KAZN: variants seen among roughly 807,000 people sequenced by gnomAD.
KAZN encodes the protein kazrin, periplakin interacting protein, also known as kazrin.
In KAZN, 40 loss-of-function variants were observed where a neutral mutation model predicts 87.4. The observed-to-expected ratio is 0.46, with a 90% CI of 0.36 to 0.60. KAZN has a LOEUF of 0.60. KAZN is among the 20% of genes least tolerant of loss of function. The pLI is 0.00. For missense variants in KAZN, 898 were observed against 1,073.9 expected (o/e 0.84, Z 2.29); for synonymous variants, 466 against 458.3 (o/e 1.02, Z -0.22).
At chr1:13,960,655 C>T (rs2101023066) in intron 1 of KAZN, among the ~76,000 whole-genome samples, 1 of 152,338 alleles carries the variant, frequency 6.6e-6, no homozygotes, top group Middle Eastern at 3.4e-3. Flanking sequence ...CCCAAATCGG[C>T]TTGTATTTGC....
chr1:14,516,285 T>C (rs566772890), intron 2 of KAZN, among the ~76,000 whole-genome samples: 1 of 152,298 alleles, frequency 6.6e-6, no homozygotes, highest in African/African-American at 2.4e-5. Context: ...TGTGTTGGCT[T>C]TACTCTCTAA....
At chr1:14,762,408 A>G (rs1201288523) in intron 1 of KAZN, among the ~76,000 whole-genome samples, 1 of 152,080 alleles carries the variant, frequency 6.6e-6, no homozygotes. Flanking sequence ...AGGTGGTGGG[A>G]CCTTCCTGGC....
At chr1:14,530,529 A>G (rs1017117774) in intron 2 of KAZN, among the ~76,000 whole-genome samples, 1 of 152,138 alleles carries the variant, frequency 6.6e-6, no homozygotes, top group African/African-American at 2.4e-5. Flanking sequence ...CAAATTCCTC[A>G]TGAATGCCTT....
intron 2 of KAZN, among the ~76,000 whole-genome samples, chr1:14,529,840 G>A (rs569250374): frequency 6.6e-6 from 1 of 152,202 alleles, no homozygotes; most frequent in Non-Finnish European, 1.5e-5. Flanking sequence ...TTGGGCAGAA[G>A]GTTAAATATG....
At chr1:13,905,689 A>G (rs2100851393) in intron 1 of KAZN, among the ~76,000 whole-genome samples, 1 of 152,218 alleles carries the variant, frequency 6.6e-6, no homozygotes, top group Admixed American at 6.5e-5. Flanking sequence ...AAACTCTAGC[A>G]TTCATTTTAC....
At chr1:14,467,341 AAC>A (rs1553176571) in intron 2 of KAZN, among the ~76,000 whole-genome samples, 61 of 151,262 alleles carry the variant, frequency 4.0e-4, no homozygotes, top group African/African-American at 1.4e-3. Context: ...ATAAAAAAAA[AAC>A]AACAAGGAAA....
chr1:14,577,630 C>T (rs770416669), intron 2 of KAZN, among the ~76,000 whole-genome samples: 12 of 152,160 alleles, frequency 7.9e-5, no homozygotes, highest in Non-Finnish European at 1.6e-4. Context: ...TCATCACAGG[C>T]CACTGGTTCT....
At position 14,737,693 on chromosome 1, in the gene KAZN, C is replaced by A. The variant is rs530920216; in HGVS notation, c.226+138470C>A. On this transcript the variant is annotated intron_variant, in intron 1 of 14. Coordinates refer to ENST00000376030, the MANE Select transcript of KAZN (RefSeq NM_201628.3). Reference sequence around the variant, plus strand: ...CTGCATTTCTTCTGTAACTCCAGGTCCTCTTTCGAGCTCATGTGGTTATTG... The same window carrying A: ...CTGCATTTCTTCTGTAACTCCAGGTACTCTTTCGAGCTCATGTGGTTATTG... Among the ~76,000 whole-genome samples the A allele has an allele frequency of 5.9e-5, 9 of 152,284 alleles. No individual in the cohort carries two copies. In the East Asian group the frequency reaches 1.7e-3, roughly 29 times the overall value.
intron 2 of KAZN, among the ~76,000 whole-genome samples, chr1:14,332,436 C>T (rs1212075820): frequency 6.6e-6 from 1 of 152,128 alleles, no homozygotes; most frequent in African/African-American, 2.4e-5. Context: ...GAATGCCAAG[C>T]GCACGATGGC....
intron 1 of KAZN, among the ~76,000 whole-genome samples, chr1:13,902,232 T>C (rs553853106): frequency 3.9e-5 from 6 of 152,366 alleles, no homozygotes; most frequent in Admixed American, 1.3e-4. Context: ...TCTTTACCCT[T>C]GGTTCTTTCT....
chr1:15,030,226 C>T (rs925914255), intron 2 of KAZN, among the ~76,000 whole-genome samples: 5 of 152,078 alleles, frequency 3.3e-5, no homozygotes, highest in African/African-American at 1.2e-4. Context: ...CCTTAAGGAG[C>T]CTTCTGACCG....
intron 1 of KAZN, among the ~76,000 whole-genome samples, chr1:13,945,706 T>TGA (rs1422921953): frequency 3.6e-5 from 5 of 140,722 alleles, no homozygotes; most frequent in African/African-American, 1.3e-4. Flanking sequence ...TGTGTGTGTG[T>TGA]GTGTGAGAGA....
intron 8 of KAZN, among the ~76,000 whole-genome samples, chr1:15,087,566 T>C (rs1235052595): frequency 6.6e-6 from 1 of 152,142 alleles, no homozygotes; most frequent in Non-Finnish European, 1.5e-5. Flanking sequence ...CTAATTTTTT[T>C]GTATTTTTAG....
chr1:14,704,913 C>T (rs922235194), intron 1 of KAZN, among the ~76,000 whole-genome samples: 1 of 152,204 alleles, frequency 6.6e-6, no homozygotes, highest in Non-Finnish European at 1.5e-5. Context: ...CTCTGTATAA[C>T]CCTTTCCTTG....
At chr1:14,493,669 C>T (rs1557757114) in intron 2 of KAZN, among the ~76,000 whole-genome samples, 2 of 152,232 alleles carry the variant, frequency 1.3e-5, no homozygotes, top group Admixed American at 6.5e-5. Context: ...AATATCTCTA[C>T]GTGCTCCCTA....
At chr1:14,629,066 T>C (rs1321249640) in intron 1 of KAZN, among the ~76,000 whole-genome samples, 1 of 152,178 alleles carries the variant, frequency 6.6e-6, no homozygotes, top group Admixed American at 6.5e-5. Context: ...AGGCTGGTCT[T>C]GAACTCCTGA....
chr1:14,657,623 G>A (rs1327692817), intron 1 of KAZN, among the ~76,000 whole-genome samples: 1 of 152,174 alleles, frequency 6.6e-6, no homozygotes, highest in East Asian at 1.9e-4. Flanking sequence ...CATTCCTAAA[G>A]GGTGGGATTT....
At chr1:14,997,013 C>T (rs995593101) in intron 2 of KAZN, among the ~76,000 whole-genome samples, 3 of 152,032 alleles carry the variant, frequency 2.0e-5, no homozygotes, top group Admixed American at 2.0e-4. Flanking sequence ...GCTTTTTTTC[C>T]CCAGCATTCC....
chr1:13,945,710 TGAGAGAGAGA>T (rs200937986), intron 1 of KAZN, among the ~76,000 whole-genome samples: 2 of 137,266 alleles, frequency 1.5e-5, no homozygotes, highest in South Asian at 2.3e-4. Context: ...TGTGTGTGTG[TGAGAGAGAGA>T]GAGAGAGAGA....
Sources: gnomAD v4.1 joint callset for allele counts (sites outside exome capture counted in the v4.1 genomes callset) on GRCh38, gnomAD v4.1.1 for gene constraint, MANE v1.5 for transcripts, NCBI Gene and HGNC (gene_info 2026-07-23, HGNC 2026-07-21) for gene names.